HS3ST4: variants seen among roughly 807,000 people sequenced by gnomAD.
The protein encoded by HS3ST4 is heparan sulfate-glucosamine 3-sulfotransferase 4, also known as heparan sulfate glucosamine 3-O-sulfotransferase 4.
A neutral mutation model predicts 29.2 loss-of-function variants in HS3ST4; 17 were observed. The observed-to-expected ratio is 0.58, with a 90% CI of 0.40 to 0.87. The LOEUF (loss-of-function observed/expected upper bound fraction) is 0.87, where lower values mean the gene tolerates loss of function less well. Ranked by LOEUF, HS3ST4 falls within the 40% of genes least tolerant of loss-of-function variation. HS3ST4 has a pLI of 0.00. For missense variants in HS3ST4, 627 were observed against 634.5 expected (o/e 0.99, Z 0.13); for synonymous variants, 314 against 285.7 (o/e 1.10, Z -1.00).
intron 1 of HS3ST4, among the ~76,000 whole-genome samples, chr16:25,930,102 A>G (rs1968448183): frequency 6.6e-6 from 1 of 152,242 alleles, no homozygotes; most frequent in South Asian, 2.1e-4. Context: ...AATGGCCTCC[A>G]GCTCCATCCA....
At chr16:25,916,911 C>A (rs914868088) in intron 1 of HS3ST4, among the ~76,000 whole-genome samples, 14 of 151,906 alleles carry the variant, frequency 9.2e-5, no homozygotes, top group African/African-American at 3.4e-4. Context: ...GATCTCCTGA[C>A]CTTGTGATCC....
chr16:25,997,185 C>A (rs1969165401), intron 1 of HS3ST4, among the ~76,000 whole-genome samples: 1 of 152,058 alleles, frequency 6.6e-6, no homozygotes, highest in African/African-American at 2.4e-5. Context: ...TTCTCCTTTT[C>A]TTGTCTTATT....
At chr16:26,017,275 A>G (rs1215759898) in intron 1 of HS3ST4, among the ~76,000 whole-genome samples, 5 of 152,222 alleles carry the variant, frequency 3.3e-5, no homozygotes, top group African/African-American at 1.2e-4. Flanking sequence ...AAAGGCTACT[A>G]ACATGGTGAT....
chr16:25,827,039 C>G (rs1051412542), intron 1 of HS3ST4, among the ~76,000 whole-genome samples: 2 of 152,064 alleles, frequency 1.3e-5, no homozygotes, highest in Non-Finnish European at 2.9e-5. Flanking sequence ...ATTATATGGA[C>G]TCAAAGATAG....
intron 1 of HS3ST4, among the ~76,000 whole-genome samples, chr16:25,979,948 C>G (rs1017932380): frequency 2.0e-5 from 3 of 152,200 alleles, no homozygotes; most frequent in Admixed American, 1.3e-4. Context: ...CCATGCCTCT[C>G]TCTCAACTCT....
chr16:25,990,912 G>T (rs1001296914), intron 1 of HS3ST4, among the ~76,000 whole-genome samples: 28 of 152,148 alleles, frequency 1.8e-4, no homozygotes, highest in African/African-American at 6.0e-4. Context: ...GTGACTTTTT[G>T]TCTGTCACCA....
intron 1 of HS3ST4, among the ~76,000 whole-genome samples, chr16:25,765,060 T>C (rs1966809208): frequency 6.6e-6 from 1 of 152,222 alleles, no homozygotes; most frequent in African/African-American, 2.4e-5. Flanking sequence ...AGCCATGTTT[T>C]TGAGCTCTCT....
intron 1 of HS3ST4, among the ~76,000 whole-genome samples, chr16:25,918,720 G>A (rs1284101536): frequency 1.3e-5 from 2 of 152,190 alleles, no homozygotes; most frequent in South Asian, 2.1e-4. Context: ...CTGGAGAATC[G>A]CTTGAACCTG....
At chr16:25,776,664 G>A (rs76405244) in intron 1 of HS3ST4, among the ~76,000 whole-genome samples, 3,388 of 152,166 alleles carry the variant, frequency 0.022, 132 homozygotes, top group African/African-American at 0.078. Flanking sequence ...CATGCCTACC[G>A]GAGAAAAAAT....
chr16:25,758,116 T>G (rs1966768366), intron 1 of HS3ST4, among the ~76,000 whole-genome samples: 1 of 152,142 alleles, frequency 6.6e-6, no homozygotes, highest in Admixed American at 6.5e-5. Context: ...TTACCCCTGT[T>G]CTCCATTTCC....
At chr16:25,973,671 T>G (rs1039992173) in intron 1 of HS3ST4, among the ~76,000 whole-genome samples, 1 of 152,166 alleles carries the variant, frequency 6.6e-6, no homozygotes, top group African/African-American at 2.4e-5. Context: ...ACGAAATGAT[T>G]TTTTCCGACC....
chr16:25,737,649 G>C (rs1471287504), intron 1 of HS3ST4, among the ~76,000 whole-genome samples: 1 of 152,112 alleles, frequency 6.6e-6, no homozygotes, highest in Non-Finnish European at 1.5e-5. Context: ...TACATTACTT[G>C]AGTAATGGTT....
intron 1 of HS3ST4, among the ~76,000 whole-genome samples, chr16:26,118,851 A>G (rs1298280536): frequency 6.6e-6 from 1 of 152,200 alleles, no homozygotes; most frequent in East Asian, 1.9e-4. Flanking sequence ...AGAACATACC[A>G]TATAGGGCTC....
intron 1 of HS3ST4, among the ~76,000 whole-genome samples, chr16:26,075,340 T>C (rs1216881467): frequency 1.3e-5 from 2 of 152,218 alleles, no homozygotes; most frequent in Non-Finnish European, 2.9e-5. Flanking sequence ...CTCAGAGCAC[T>C]CTATGACCAT....
chr16:25,919,769 A>G (rs1448053227), intron 1 of HS3ST4, among the ~76,000 whole-genome samples: 1 of 152,222 alleles, frequency 6.6e-6, no homozygotes, highest in Non-Finnish European at 1.5e-5. Context: ...AACTCTGCTG[A>G]GAGGTGGAAT....
intron 1 of HS3ST4, among the ~76,000 whole-genome samples, chr16:26,043,841 C>G (rs1057153699): frequency 6.6e-6 from 1 of 152,194 alleles, no homozygotes; most frequent in African/African-American, 2.4e-5. Flanking sequence ...GTGCCATTCG[C>G]CCTCCCAAGT....
chr16:25,818,639 A>G (rs1242813481), intron 1 of HS3ST4, among the ~76,000 whole-genome samples: 2 of 152,192 alleles, frequency 1.3e-5, no homozygotes, highest in African/African-American at 4.8e-5. Context: ...TGAGATAGGA[A>G]AAAACATTGC....
At chr16:26,006,173 C>T (rs914815476) in intron 1 of HS3ST4, among the ~76,000 whole-genome samples, 5 of 151,806 alleles carry the variant, frequency 3.3e-5, no homozygotes, top group African/African-American at 1.2e-4. Context: ...GTGGTGCACA[C>T]CTGTAGTCCC....
At chr16:26,120,052 AGT>A (rs35643541) in intron 1 of HS3ST4, among the ~76,000 whole-genome samples, 51,796 of 131,354 alleles carry the variant, frequency 0.39, 9,033 homozygotes, top group East Asian at 0.51. Context: ...AGCTGAAGGA[AGT>A]GTGTGTGTGT....
Sources: allele counts gnomAD v4.1 joint callset (sites outside exome capture counted in the v4.1 genomes callset), GRCh38; gene constraint gnomAD v4.1.1; transcripts MANE v1.5; gene names NCBI Gene and HGNC (gene_info 2026-07-23, HGNC 2026-07-21).